The following MAD1L1 variants were observed in gnomAD, a reference collection of about 807,000 sequenced individuals.
The protein encoded by MAD1L1 is mitotic spindle assembly checkpoint protein MAD1.
MAD1L1 carries 95 observed loss-of-function variants against 96.9 expected under a neutral mutation model. The observed-to-expected ratio is 0.98, with a 90% CI of 0.83 to 1.16. The LOEUF (loss-of-function observed/expected upper bound fraction) is 1.16. Ranked by LOEUF, MAD1L1 falls within the 50% of genes most tolerant of loss-of-function variation. MAD1L1 has a pLI of 0.00. For missense variants in MAD1L1, 1,007 were observed against 954.4 expected, an observed-to-expected ratio of 1.06 and a Z score of -0.73; for synonymous variants, 473 against 396.6, an observed-to-expected ratio of 1.19 and a Z score of -2.29.
chr7:2,199,369 C>T (rs891639688), intron 10 of MAD1L1, among the ~76,000 whole-genome samples: 1 of 152,194 alleles, frequency 6.6e-6, no homozygotes, highest in Non-Finnish European at 1.5e-5. Context: ...TTCTGGCCTT[C>T]ATACCTCACG....
At chr7:2,059,006 T>C (rs541509485) in intron 12 of MAD1L1, among the ~76,000 whole-genome samples, 995 of 89,782 alleles carry the variant, frequency 0.011, 48 homozygotes, top group Admixed American at 0.024. Flanking sequence ...GGAGAGGGAG[T>C]GTGGCCAGAG....
intron 11 of MAD1L1, among the ~76,000 whole-genome samples, chr7:2,083,062 C>T (rs952702864): frequency 1.3e-5 from 2 of 152,236 alleles, no homozygotes; most frequent in Admixed American, 6.5e-5. Context: ...TCCCTCCCTG[C>T]GCGTGACGTC....
At chr7:1,950,102 G>T (rs895892691) in intron 16 of MAD1L1, among the ~76,000 whole-genome samples, 2 of 152,186 alleles carry the variant, frequency 1.3e-5, no homozygotes, top group Non-Finnish European at 2.9e-5. Context: ...AAAGGACAAG[G>T]GCTCGTGGGC....
At chr7:2,161,032 T>C (rs1343052378) in intron 10 of MAD1L1, among the ~76,000 whole-genome samples, 2 of 147,610 alleles carry the variant, frequency 1.4e-5, no homozygotes, top group African/African-American at 5.0e-5. Context: ...TGCAAATAAC[T>C]GGCACTATAA....
chr7:2,141,533 C>G (rs577264646), intron 11 of MAD1L1, among the ~76,000 whole-genome samples: 22 of 152,314 alleles, frequency 1.4e-4, no homozygotes, highest in African/African-American at 5.3e-4. Context: ...TAGCCCTGAT[C>G]AGGAAAGGAC....
intron 14 of MAD1L1, among the ~76,000 whole-genome samples, chr7:2,000,150 A>T (rs1433260270): frequency 6.6e-6 from 1 of 151,714 alleles, no homozygotes; most frequent in African/African-American, 2.4e-5. Context: ...CTTCACCCTC[A>T]ATCTCCCCAC....
At chr7:1,923,761 G>A (rs1788938074) in intron 17 of MAD1L1, among the ~76,000 whole-genome samples, 1 of 152,274 alleles carries the variant, frequency 6.6e-6, no homozygotes, top group South Asian at 2.1e-4. Context: ...AGTGCTGGGT[G>A]CTCAGAGTGG....
In MAD1L1 at chr7:1,832,891, C is replaced by CA. The variant is rs1436473536; in HGVS notation, c.1999-16664dup. On this transcript the variant is annotated intron_variant, in intron 18 of 18. Coordinates refer to ENST00000265854, the MANE Select transcript of MAD1L1 (RefSeq NM_001013836.2). ...AAGTGATCCACTTGCCTCAGCCTCC[C>CA]AAAGTGCTGGGATTACAGGCTTGAG... Among the ~76,000 whole-genome samples, 151 of 152,222 alleles carry CA rather than the reference C, an allele frequency of 9.9e-4. 1 individual carries two copies. Among genetic ancestry groups the CA allele is most frequent in the African/African-American group, 3.6e-3 (148 of 41,536 alleles).
chr7:1,986,718 C>T (rs1235912360), intron 14 of MAD1L1, among the ~76,000 whole-genome samples: 1 of 152,172 alleles, frequency 6.6e-6, no homozygotes, highest in African/African-American at 2.4e-5. Context: ...AATTTAAGTG[C>T]CATTTTGGTT....
chr7:1,978,652 C>T (rs910860380), intron 15 of MAD1L1, among the ~76,000 whole-genome samples: 8 of 152,264 alleles, frequency 5.3e-5, no homozygotes, highest in African/African-American at 7.2e-5. Flanking sequence ...CCCATCAACC[C>T]GAAGACCACA....
rs148888448 is a variant in MAD1L1 at position 1,876,388 on chromosome 7, G to A, written c.1998+21812C>T. ...CGCACAGGTGGTCACCCTGCCGGACGCTGCCCCTTTCCCCACCGTCCTCAC... is the reference window on the plus strand; with the variant it reads ...CGCACAGGTGGTCACCCTGCCGGACACTGCCCCTTTCCCCACCGTCCTCAC... On this transcript the variant is annotated intron_variant, in intron 18 of 18. Coordinates refer to ENST00000265854, the MANE Select transcript of MAD1L1 (RefSeq NM_001013836.2). Among the ~76,000 whole-genome samples, 756 of 151,822 alleles carry A rather than the reference G, an allele frequency of 5.0e-3. 1 individual carries two copies. The highest frequency in any genetic ancestry group is 6.9e-3 in the Non-Finnish European group (466 of 67,932).
At chr7:2,226,184 C>A (rs1793885453) in intron 3 of MAD1L1, among the ~76,000 whole-genome samples, 2 of 152,214 alleles carry the variant, frequency 1.3e-5, no homozygotes, top group Admixed American at 1.3e-4. Flanking sequence ...TCAAGCCCAC[C>A]CACGTAATCT....
chr7:2,094,254 T>A (rs781393902), intron 11 of MAD1L1, among the ~76,000 whole-genome samples: 1 of 152,126 alleles, frequency 6.6e-6, no homozygotes, highest in Non-Finnish European at 1.5e-5. Flanking sequence ...GGGCTCCCAG[T>A]GGCCAGCACT....
rs556813926 is a variant in MAD1L1 at position 2,146,870 on chromosome 7, C to T, written c.1073+2282G>A. ...CCGCCACGGCAGGCCGCGACGAACA[C>T]GGTGTCCCGCCACGGAAGAGAGCAG... On this transcript the variant is annotated intron_variant, in intron 11 of 18. Transcript: ENST00000265854. This position sits in a 1 kb window ranked among gnomAD's most constrained non-coding sequence, Gnocchi z 6.2. Among the ~76,000 whole-genome samples, 3 of 152,338 alleles carry T rather than the reference C, an allele frequency of 2.0e-5. No individual in the cohort carries two copies. The highest frequency in any genetic ancestry group is 1.9e-4 in the East Asian group (1 of 5,184).
chr7:1,822,781 A>G (rs57193069), intron 18 of MAD1L1, among the ~76,000 whole-genome samples: 62,833 of 149,152 alleles, frequency 0.42, 13,520 homozygotes, highest in Non-Finnish European at 0.46. Context: ...AAATGTATAT[A>G]GAAAGCAATT....
rs543259075 is a variant in MAD1L1 at position 2,188,473 on chromosome 7, G to A, written c.986+24739C>T. 7.9e-4 allele frequency among the ~76,000 whole-genome samples: 120 copies of A among 152,168 alleles called. 1 individual carries two copies. The highest frequency in any genetic ancestry group is 1.5e-3 in the Non-Finnish European group (100 of 68,024). ...AAGCCACAGTAATCAAAACAGTGTGGTGCTGACAGAATGACAGGCATATGG... is the reference window on the plus strand; with the variant it reads ...AAGCCACAGTAATCAAAACAGTGTGATGCTGACAGAATGACAGGCATATGG... On this transcript the variant is annotated intron_variant, in intron 10 of 18. Coordinates refer to ENST00000265854, the MANE Select transcript of MAD1L1 (RefSeq NM_001013836.2).
intron 12 of MAD1L1, among the ~76,000 whole-genome samples, chr7:2,041,796 C>T (rs746620365): frequency 1.1e-4 from 16 of 150,798 alleles, no homozygotes; most frequent in Non-Finnish European, 1.8e-4. Context: ...CTCACTTCCA[C>T]GCTGCAAAAA....
At chr7:2,072,360 C>T (rs1196546862) in intron 11 of MAD1L1, among the ~76,000 whole-genome samples, 1 of 152,230 alleles carries the variant, frequency 6.6e-6, no homozygotes, top group African/African-American at 2.4e-5. Flanking sequence ...ATCCCATCAG[C>T]CGCCTCGGAA....
intron 12 of MAD1L1, among the ~76,000 whole-genome samples, chr7:2,020,513 A>G (rs527375493): frequency 6.6e-6 from 1 of 152,304 alleles, no homozygotes; most frequent in East Asian, 1.9e-4. Flanking sequence ...ACATCATGGG[A>G]ACAAGCTAGA....
Sources: allele counts gnomAD v4.1 joint callset (sites outside exome capture counted in the v4.1 genomes callset), GRCh38; gene constraint gnomAD v4.1.1; non-coding constraint Gnocchi (gnomAD v3.1); transcripts MANE v1.5; gene names NCBI Gene and HGNC (gene_info 2026-07-23, HGNC 2026-07-21).